The following EIPR1 variants were observed in gnomAD, a reference collection of about 807,000 sequenced individuals.
The protein encoded by EIPR1 is EARP complex and GARP complex interacting protein 1.
EIPR1 carries 25 observed loss-of-function variants against 48.1 expected under a neutral mutation model. The ratio of observed to expected loss-of-function variants is 0.52; its 90% CI spans 0.38 to 0.73. EIPR1 has a LOEUF of 0.73. Among genes scored for constraint, EIPR1 ranks in the 30% least tolerant of loss-of-function variants. The pLI is 0.00. For missense variants in EIPR1, 415 were observed against 506.2 expected (o/e 0.82, Z 1.73); for synonymous variants, 204 against 201.9 (o/e 1.01, Z -0.09).
intron 5 of EIPR1, among the ~76,000 whole-genome samples, chr2:3,213,593 G>T (rs1219888463): frequency 6.6e-6 from 1 of 152,198 alleles, no homozygotes; most frequent in East Asian, 1.9e-4. Flanking sequence ...GCTTGAAACG[G>T]TAGAAAATAC....
intron 4 of EIPR1, among the ~76,000 whole-genome samples, chr2:3,230,482 G>A (rs1045784969): frequency 6.6e-6 from 1 of 152,170 alleles, no homozygotes; most frequent in Non-Finnish European, 1.5e-5. Context: ...TCCACCACAT[G>A]AGGTTAGGTG....
chr2:3,329,693 C>T (rs1020678722), intron 3 of EIPR1, among the ~76,000 whole-genome samples: 1 of 151,832 alleles, frequency 6.6e-6, no homozygotes, highest in East Asian at 1.9e-4. Context: ...CTCTAATGAT[C>T]TCAGGGCACC....
At position 3,260,511 on chromosome 2, in the gene EIPR1, G is replaced by A. The variant is rs6724048; in HGVS notation, c.260-3056C>T. ...ATCTCAAAAAATGAAGGAAGGAAGGGAGGGAGGGAGGGAGGGAGGGAGGGA... is the reference window on the plus strand; with the variant it reads ...ATCTCAAAAAATGAAGGAAGGAAGGAAGGGAGGGAGGGAGGGAGGGAGGGA... On this transcript the variant is annotated intron_variant, in intron 3 of 8. Coordinates refer to ENST00000382125, the MANE Select transcript of EIPR1 (RefSeq NM_003310.5). 8.0e-3 allele frequency among the ~76,000 whole-genome samples: 112 copies of A among 13,920 alleles called. 4 individuals are homozygous for A. The highest frequency in any genetic ancestry group is 0.073 in the South Asian group (14 of 192). 9.1% of individuals were successfully genotyped at this position (13,920 alleles called of 152,430 possible). A position where few individuals can be genotyped will look rare whatever the true frequency, so the allele number is the denominator to read the frequency against.
intron 3 of EIPR1, among the ~76,000 whole-genome samples, chr2:3,277,709 G>A (rs997017455): frequency 2.0e-5 from 3 of 152,218 alleles, no homozygotes; most frequent in African/African-American, 7.2e-5. Context: ...CCTGCCAGGC[G>A]CTGCCTGCAG....
chr2:3,205,574 C>T (rs1365781939), intron 5 of EIPR1, among the ~76,000 whole-genome samples: 2 of 152,214 alleles, frequency 1.3e-5, no homozygotes, highest in African/African-American at 4.8e-5. Flanking sequence ...AAAGATTCCT[C>T]ATTGTTTAAG....
At chr2:3,346,450 T>C (rs1393606225) in intron 2 of EIPR1, among the ~76,000 whole-genome samples, 1 of 152,238 alleles carries the variant, frequency 6.6e-6, no homozygotes, top group Non-Finnish European at 1.5e-5. Context: ...GCAGTAGAAC[T>C]AATTCTTACA....
intron 3 of EIPR1, among the ~76,000 whole-genome samples, chr2:3,333,211 T>C (rs892909894): frequency 1.3e-5 from 2 of 152,198 alleles, no homozygotes; most frequent in African/African-American, 2.4e-5. Context: ...TGATGTTCAT[T>C]CTAGCATGTG....
chr2:3,201,652 C>A (rs1035812423), intron 5 of EIPR1, among the ~76,000 whole-genome samples: 2 of 152,192 alleles, frequency 1.3e-5, no homozygotes, highest in East Asian at 3.9e-4. Context: ...GCAAAGCTAC[C>A]GAGGAAGAAA....
chr2:3,294,691 CCCTCCATCCAGCCCATCCTCTCT>C (rs1476760340), intron 3 of EIPR1, among the ~76,000 whole-genome samples: 1 of 144,458 alleles, frequency 6.9e-6, no homozygotes, highest in Non-Finnish European at 1.5e-5. Context: ...TCTACACACA[CCCTCCATCCAGCCCATCCTCTCT>C]ACACACACCC....
At chr2:3,249,621 T>G (rs1666944611) in intron 4 of EIPR1, among the ~76,000 whole-genome samples, 2 of 152,170 alleles carry the variant, frequency 1.3e-5, no homozygotes. Flanking sequence ...TAGAGAGATT[T>G]GCATGACTAA....
At position 3,257,350 on chromosome 2, in the gene EIPR1, G is replaced by T; in HGVS notation, c.365C>A (p.Thr122Asn). The change falls in exon 4 of 9, where the codon ACC becomes AAC. Residue 122 changes from threonine to asparagine, a missense_variant. Coordinates refer to ENST00000382125, the MANE Select transcript of EIPR1 (RefSeq NM_003310.5). ...SPDDSSSTAQ[T>N]LELLCHLDNT... is the part of the protein sequence containing the mutation. Reference sequence around the variant, plus strand: ...GTCAAGGTGACAGAGCAGCTCCAGGGTCTGTGCAGTGCTGGATGAATCATC... The same window carrying T: ...GTCAAGGTGACAGAGCAGCTCCAGGTTCTGTGCAGTGCTGGATGAATCATC... 1 of 1,614,122 alleles carries T rather than the reference G, an allele frequency of 6.2e-7. No individual in the cohort carries two copies. Among genetic ancestry groups the T allele is most frequent in the Non-Finnish European group, 8.5e-7 (1 of 1,180,008 alleles).
Position 3,365,409 on chromosome 2 carries a change from C to A in EIPR1, c.43-10776G>T, listed in dbSNP as rs528388158. 2.0e-4 allele frequency among the ~76,000 whole-genome samples: 31 copies of A among 152,096 alleles called. 1 individual carries two copies. The South Asian group carries it at 6.2e-3, about 31-fold the overall frequency. ...AGAGCTTGAGCCCAAGAGTTCCAGGCTGCCATGAGCCACGATCGCACTACT... is the reference window on the plus strand; with the variant it reads ...AGAGCTTGAGCCCAAGAGTTCCAGGATGCCATGAGCCACGATCGCACTACT... On this transcript the variant is annotated intron_variant, in intron 1 of 8. Coordinates refer to ENST00000382125, the MANE Select transcript of EIPR1 (RefSeq NM_003310.5).
intron 4 of EIPR1, among the ~76,000 whole-genome samples, chr2:3,219,911 T>C (rs1007828364): frequency 1.3e-5 from 2 of 152,192 alleles, no homozygotes; most frequent in African/African-American, 2.4e-5. Context: ...CCAATCCATA[T>C]CCTGTTAGGA....
rs565971488 is a variant in EIPR1, at chr2:3,189,624, C to T, written c.990-116G>A. ...GACACGGGAGGTACTGGGGCCTCAGCTTTCTCCGCTGTGGGATGGGAAGAA... is the reference window on the plus strand; with the variant it reads ...GACACGGGAGGTACTGGGGCCTCAGTTTTCTCCGCTGTGGGATGGGAAGAA... On this transcript the variant is annotated intron_variant, in intron 8 of 8. Transcript: ENST00000382125. The surrounding 1 kb of genome is among the most constrained non-coding windows in gnomAD (Gnocchi z 4.6). 3 of 990,824 alleles carry T rather than the reference C, an allele frequency of 3.0e-6. No individual in the cohort carries two copies. The highest frequency in any genetic ancestry group is 2.8e-5 in the East Asian group (1 of 35,172). The allele number at this position is 990,824 out of a possible 1,614,324, so 61.4% of individuals were successfully genotyped here.
chr2:3,203,530 C>T (rs1025621047), intron 5 of EIPR1, among the ~76,000 whole-genome samples: 23 of 152,252 alleles, frequency 1.5e-4, no homozygotes, highest in African/African-American at 5.1e-4. Flanking sequence ...AGCCCGCAGT[C>T]GGGGCGCCTC....
intron 5 of EIPR1, chr2:3,209,047 G>T: frequency 6.9e-7 from 1 of 1,438,876 alleles, no homozygotes. Flanking sequence ...CATCTTTTCC[G>T]GGACGCCTGC....
rs556637613 is a variant in EIPR1 at position 3,360,624 on chromosome 2, T to C, written c.43-5991A>G. The stretch of plus-strand genomic sequence containing the variant: ...AGACATATTAACTGAGCACACACCA[T>C]TCCCTTGGGAAACTCAAAACTGTAT... On this transcript the variant is annotated intron_variant, in intron 1 of 8. Transcript: ENST00000382125. Among the ~76,000 whole-genome samples, 10 of 152,282 alleles carry C rather than the reference T, an allele frequency of 6.6e-5. No homozygotes were observed. In the South Asian group the frequency reaches 1.2e-3, roughly 19 times the overall value.
At chr2:3,307,594 C>T (rs1025008045) in intron 3 of EIPR1, among the ~76,000 whole-genome samples, 7 of 152,160 alleles carry the variant, frequency 4.6e-5, no homozygotes, top group Non-Finnish European at 8.8e-5. Flanking sequence ...AGGAGCAGCC[C>T]GGGCACGGAA....
chr2:3,261,031 T>A (rs1346885202), intron 3 of EIPR1, among the ~76,000 whole-genome samples: 1 of 152,230 alleles, frequency 6.6e-6, no homozygotes, highest in Non-Finnish European at 1.5e-5. Context: ...GTCACAAAGC[T>A]TGGCTTGTTG....
Sources: allele counts gnomAD v4.1 joint callset (sites outside exome capture counted in the v4.1 genomes callset), GRCh38; gene constraint gnomAD v4.1.1; non-coding constraint Gnocchi (gnomAD v3.1); transcripts MANE v1.5; gene names NCBI Gene and HGNC (gene_info 2026-07-23, HGNC 2026-07-21).